FGF13: variants seen among roughly 807,000 people sequenced by gnomAD.
The protein encoded by FGF13 is fibroblast growth factor homologous factor 2.
Under a neutral mutation model 19.5 loss-of-function variants are expected in FGF13, and 2 were observed. That is an observed-to-expected ratio of 0.10 (90% confidence interval 0.04 to 0.32). The LOEUF is 0.32. FGF13 is among the 10% of genes least tolerant of loss of function. FGF13 has a pLI of 1.00. For synonymous variants in FGF13, 72 were observed against 76.9 expected, an observed-to-expected ratio of 0.94 and a Z score of 0.33; for missense variants, 113 against 192.7, an observed-to-expected ratio of 0.59 and a Z score of 2.45.
intron 1 of FGF13, among the ~76,000 whole-genome samples, chrX:139,073,234 TGGCTTA>T (rs2092382614): frequency 9.2e-6 from 1 of 108,937 alleles, no homozygotes; most frequent in African/African-American, 3.3e-5. Context: ...CACGAACACT[TGGCTTA>T]GGCTTCCCAG....
chrX:138,776,623 A>G (rs756809287), intron 3 of FGF13, among the ~76,000 whole-genome samples: 3 of 112,260 alleles, frequency 2.7e-5, no homozygotes, highest in Non-Finnish European at 3.8e-5. Context: ...TCTGTTTCAC[A>G]GGAAAGTAAG....
intron 1 of FGF13, among the ~76,000 whole-genome samples, chrX:138,982,756 G>A (rs932170746): frequency 7.1e-5 from 8 of 111,991 alleles, no homozygotes; most frequent in African/African-American, 2.6e-4. Context: ...TCTCATCCAG[G>A]CTCTGCCACC....
chrX:138,919,206 A>G (rs1441901227), intron 1 of FGF13, among the ~76,000 whole-genome samples: 1 of 111,922 alleles, frequency 8.9e-6, no homozygotes. Flanking sequence ...CATTTGTGGT[A>G]TATTTAACGA....
At chrX:138,796,400 T>C (rs2090778524) in intron 3 of FGF13, among the ~76,000 whole-genome samples, 1 of 112,160 alleles carries the variant, frequency 8.9e-6, no homozygotes, top group African/African-American at 3.2e-5. Context: ...GCACATGAAC[T>C]CATTCTTTTT....
downstream of FGF13, among the ~76,000 whole-genome samples, chrX:138,856,652 G>A (rs2091259515): frequency 8.9e-6 from 1 of 111,878 alleles, no homozygotes; most frequent in Non-Finnish European, 1.9e-5. Context: ...TTAATGTGAG[G>A]GGAAAATGGG....
intron 1 of FGF13, among the ~76,000 whole-genome samples, chrX:138,891,999 C>CGTGTGTGTGTGT (rs1569419108): frequency 1.3e-4 from 5 of 39,952 alleles, no homozygotes; most frequent in African/African-American, 6.7e-4. Context: ...TCTATATATA[C>CGTGTGTGTGTGT]ATATGTGTGT....
chrX:139,021,593 C>T (rs183052345), intron 1 of FGF13, among the ~76,000 whole-genome samples: 4 of 111,172 alleles, frequency 3.6e-5, no homozygotes, highest in African/African-American at 9.8e-5. Context: ...AGAGAATACA[C>T]ATTTCTTTCA....
chrX:138,744,117 T>C (rs1337104564), upstream of FGF13, among the ~76,000 whole-genome samples: 1 of 111,115 alleles, frequency 9.0e-6, no homozygotes, highest in Non-Finnish European at 1.9e-5. Context: ...CAACCACAGT[T>C]AGAAGGTTGG....
chrX:139,064,758 A>T (rs2092349507), intron 1 of FGF13, among the ~76,000 whole-genome samples: 1 of 111,547 alleles, frequency 9.0e-6, no homozygotes, highest in Admixed American at 9.6e-5. Flanking sequence ...AATATGCTGA[A>T]GAGTGTTTTC....
upstream of FGF13, chrX:139,204,129 G>A (rs768309968): frequency 1.8e-5 from 22 of 1,202,980 alleles, no homozygotes; most frequent in Admixed American, 4.8e-4. Context: ...TGCTTGACAA[G>A]GTTCGCTCAG....
chrX:138,974,164 C>T (rs1350081760), intron 1 of FGF13, among the ~76,000 whole-genome samples: 1 of 111,884 alleles, frequency 8.9e-6, no homozygotes, highest in Non-Finnish European at 1.9e-5. Flanking sequence ...ACCCAGTCTG[C>T]AGCATTCTGT....
intron 1 of FGF13, among the ~76,000 whole-genome samples, chrX:138,915,250 C>T (rs1246728367): frequency 9.0e-6 from 1 of 111,659 alleles, no homozygotes; most frequent in African/African-American, 3.3e-5. Flanking sequence ...CTCTGGAAAT[C>T]ACCTCCCAAA....
intron 3 of FGF13, among the ~76,000 whole-genome samples, chrX:138,658,890 T>A (rs1383959191): frequency 8.9e-6 from 1 of 112,193 alleles, no homozygotes; most frequent in Non-Finnish European, 1.9e-5. Context: ...AAAGTGTAAG[T>A]CCTCATCTCT....
chrX:138,673,079 T>C (rs991413371), intron 3 of FGF13, among the ~76,000 whole-genome samples: 5 of 111,038 alleles, frequency 4.5e-5, no homozygotes, highest in African/African-American at 1.3e-4. Flanking sequence ...GGTAAAAACC[T>C]GATTGGAATA....
intron 1 of FGF13, among the ~76,000 whole-genome samples, chrX:138,943,644 A>G (rs2091769046): frequency 8.9e-6 from 1 of 112,029 alleles, no homozygotes; most frequent in Non-Finnish European, 1.9e-5. Context: ...AGCTAAGTGG[A>G]TCTTCATCTA....
At chrX:138,941,103 A>G (rs1174028391) in intron 1 of FGF13, among the ~76,000 whole-genome samples, 1 of 111,411 alleles carries the variant, frequency 9.0e-6, no homozygotes, top group Non-Finnish European at 1.9e-5. Flanking sequence ...CACAGCCCAC[A>G]TCCCACTGAA....
At chrX:138,877,570 G>A (rs1412952037) in intron 1 of FGF13, among the ~76,000 whole-genome samples, 1 of 111,756 alleles carries the variant, frequency 8.9e-6, no homozygotes, top group African/African-American at 3.2e-5. Context: ...AACAAATTCT[G>A]TAACCATTAA....
chrX:138,881,068 C>T (rs1200347240), intron 1 of FGF13, among the ~76,000 whole-genome samples: 1 of 111,744 alleles, frequency 8.9e-6, no homozygotes, highest in African/African-American at 3.2e-5. Flanking sequence ...CACAGGATGC[C>T]TTTCCACTAA....
intron 1 of FGF13, among the ~76,000 whole-genome samples, chrX:138,982,447 A>T (rs1202239251): frequency 2.7e-5 from 3 of 111,931 alleles, no homozygotes. Context: ...TAAAGAAAAC[A>T]AAAGAGGACA....
Sources: gnomAD v4.1 joint callset for allele counts (sites outside exome capture counted in the v4.1 genomes callset) on GRCh38, gnomAD v4.1.1 for gene constraint, MANE v1.5 for transcripts, NCBI Gene and HGNC (gene_info 2026-07-23, HGNC 2026-07-21) for gene names.